TAS1R1: variants seen among roughly 807,000 people sequenced by gnomAD.
TAS1R1 encodes taste 1 receptor member 1, also known as taste receptor type 1 member 1.
TAS1R1 carries 31 observed loss-of-function variants against 45.8 expected under a neutral mutation model. That is an observed-to-expected ratio of 0.68 (90% CI 0.51 to 0.91). The LOEUF (loss-of-function observed/expected upper bound fraction) is 0.91. Among genes scored for constraint, TAS1R1 ranks in the 40% least tolerant of loss-of-function variants. The pLI is 0.00. For missense variants in TAS1R1, 1,051 were observed against 1,063.9 expected (o/e 0.99, Z 0.17); for synonymous variants, 437 against 448.4 (o/e 0.97, Z 0.32).
At chr1:6,558,159 CCTT>C (rs1242365225) in intron 1 of TAS1R1, among the ~76,000 whole-genome samples, 1 of 151,488 alleles carries the variant, frequency 6.6e-6, no homozygotes, top group African/African-American at 2.4e-5. Context: ...GCCCTAGCCT[CCTT>C]ACTAGCTGGA....
Position 6,579,613 on chromosome 1 carries a change from C to T in TAS1R1, c.*29C>T. On this transcript the variant is annotated 3_prime_UTR_variant, in exon 6 of 6. Coordinates refer to ENST00000333172, the MANE Select transcript of TAS1R1 (RefSeq NM_138697.4). ...GTGGGTCAGCAGGCACGGCTGGCAG[C>T]CTTCTCTGCCCTGAGGGTCGAAGGT... 6.3e-7 allele frequency: 1 copy of T among 1,576,620 alleles called. No individual in the cohort carries two copies. The highest frequency in any genetic ancestry group is 8.6e-7 in the Non-Finnish European group (1 of 1,165,612).
rs756702565 is a variant in TAS1R1, at chr1:6,576,953, C to A, written c.1477C>A (p.Pro493Thr). Residue 493 changes from proline (P) to threonine (T), a missense_variant, in exon 5 of 6, where the codon CCT becomes ACT. Physicochemically the swap from Pro to Thr is conservative, Grantham distance 38 (BLOSUM62 -1). Coordinates refer to ENST00000333172, the MANE Select transcript of TAS1R1 (RefSeq NM_138697.4). ...IQWHGKDNQVPKSVCSSDCLE... is the reference protein window; with the variant it reads ...IQWHGKDNQVTKSVCSSDCLE... ...TGGCCCCTCTGGCTTCTTACAGGTG[C>A]CTAAGTCTGTGTGTTCCAGCGACTG... 3 of 1,614,236 alleles carry A rather than the reference C, an allele frequency of 1.9e-6. No homozygotes were observed. Among genetic ancestry groups the A allele is most frequent in the Non-Finnish European group, 2.5e-6 (3 of 1,180,038 alleles).
intron 1 of TAS1R1, among the ~76,000 whole-genome samples, chr1:6,567,051 A>G (rs1289195097): frequency 3.3e-5 from 5 of 152,234 alleles, no homozygotes; most frequent in African/African-American, 1.2e-4. Context: ...AGGTTGGGGG[A>G]GGCAAGAAAA....
At chr1:6,559,396 G>A (rs1000841922) in intron 1 of TAS1R1, among the ~76,000 whole-genome samples, 2 of 151,924 alleles carry the variant, frequency 1.3e-5, no homozygotes, top group Non-Finnish European at 2.9e-5. Flanking sequence ...AGTGACTCAC[G>A]CCTGTAATCC....
At chr1:6,563,345 G>A (rs947730045) in intron 1 of TAS1R1, among the ~76,000 whole-genome samples, 5 of 152,216 alleles carry the variant, frequency 3.3e-5, no homozygotes, top group Admixed American at 2.0e-4. Flanking sequence ...AAGTCAGACC[G>A]GTGCCGGCGG....
At chr1:6,571,384 C>T (rs1387652382) in intron 2 of TAS1R1, among the ~76,000 whole-genome samples, 169 bp downstream of exon 2, 4 of 152,182 alleles carry the variant, frequency 2.6e-5, no homozygotes, top group Non-Finnish European at 5.9e-5. Context: ...GGTTCCTGCC[C>T]CAGCCTTCCT....
rs371364984 is a variant in TAS1R1 at position 6,576,924 on chromosome 1, C to G, written c.1474-26C>G. 8.7e-6 allele frequency: 14 copies of G among 1,614,082 alleles called. No homozygotes were observed. In the African/African-American group the frequency reaches 1.5e-4, roughly 17 times the overall value. ...AGCTGTCCTTTGACTTGGGCCCCTA[C>G]GTGTGGCCCCTCTGGCTTCTTACAG... On this transcript the variant is annotated intron_variant, in intron 4 of 5. Coordinates refer to ENST00000333172, the MANE Select transcript of TAS1R1 (RefSeq NM_138697.4).
intron 1 of TAS1R1, among the ~76,000 whole-genome samples, chr1:6,569,985 T>G (rs1639967718): frequency 7.2e-6 from 1 of 138,686 alleles, no homozygotes; most frequent in Non-Finnish European, 1.5e-5. Flanking sequence ...GGAAAGGCTC[T>G]AGCACACAGC....
At chr1:6,568,360 C>T (rs1476257375) in intron 1 of TAS1R1, among the ~76,000 whole-genome samples, 1 of 150,898 alleles carries the variant, frequency 6.6e-6, no homozygotes, top group African/African-American at 2.4e-5. Flanking sequence ...GAGGCTGAGA[C>T]AGGAGAATGG....
chr1:6,561,083 C>A (rs2148667552), intron 1 of TAS1R1, among the ~76,000 whole-genome samples: 1 of 152,006 alleles, frequency 6.6e-6, no homozygotes, highest in South Asian at 2.1e-4. Context: ...TGTACTGTCC[C>A]ATGGGTGAAG....
intron 3 of TAS1R1, 102 bp downstream of exon 3, chr1:6,575,494 A>G: frequency 7.7e-7 from 1 of 1,298,512 alleles, no homozygotes; most frequent in East Asian, 2.6e-5. Flanking sequence ...AGGGGGATAA[A>G]TGCCACTAAC....
Position 6,575,005 on chromosome 1 carries a change from C to T in TAS1R1, c.873C>T (p.Asn291=), listed in dbSNP as rs1640123657. Residue 291 remains asparagine (N), a synonymous_variant, in exon 3 of 6, where the codon AAC becomes AAT. Coordinates refer to ENST00000333172, the MANE Select transcript of TAS1R1 (RefSeq NM_138697.4). The part of the protein sequence containing the change: ...RVFFESVVLT[N]LTGKVWVASE... ...TTTTCGAGTCCGTGGTGCTGACCAACCTGACTGGCAAGGTGTGGGTCGCCT... is the reference window on the plus strand; with the variant it reads ...TTTTCGAGTCCGTGGTGCTGACCAATCTGACTGGCAAGGTGTGGGTCGCCT... The T allele has an allele frequency of 6.3e-7, 1 of 1,591,856 alleles. No homozygotes were observed. The highest frequency in any genetic ancestry group is 8.6e-7 in the Non-Finnish European group (1 of 1,167,278).
chr1:6,569,146 C>T (rs1333137956), intron 1 of TAS1R1, among the ~76,000 whole-genome samples: 3 of 69,882 alleles, frequency 4.3e-5, no homozygotes, highest in South Asian at 4.0e-4. Flanking sequence ...GGAACGGGGA[C>T]GTAAGGTGGG....
rs1033201293 is a variant in TAS1R1 at position 6,574,808 on chromosome 1, C to A, written c.676C>A (p.Gln226Lys). 6.2e-7 allele frequency: 1 copy of A among 1,614,148 alleles called. No homozygotes were observed. Among genetic ancestry groups the A allele is most frequent in the Non-Finnish European group, 8.5e-7 (1 of 1,180,056 alleles). The change falls in exon 3 of 6, where the codon CAG becomes AAG. Residue 226 changes from glutamine (Q) to lysine (K), a missense_variant. Physicochemically the swap from Gln to Lys is moderately conservative, Grantham distance 53 (BLOSUM62 1). Coordinates refer to ENST00000333172, the MANE Select transcript of TAS1R1 (RefSeq NM_138697.4). This position sits in a 1 kb window ranked among gnomAD's most constrained non-coding sequence, Gnocchi z 4.3. ...TGACGACTATGGGCAGCTAGGGGTG[C>A]AGGCACTGGAGAACCAGGCCACTGG... is the stretch of plus-strand genomic sequence containing the variant. ...SSDDYGQLGV[Q>K]ALENQATGQG...
chr1:6,565,423 T>C (rs991256452), intron 1 of TAS1R1, among the ~76,000 whole-genome samples: 6 of 152,058 alleles, frequency 3.9e-5, no homozygotes, highest in African/African-American at 1.4e-4. Flanking sequence ...CTGAGGCAAG[T>C]TGGCCATCCT....
chr1:6,555,983 T>G (rs1308782141), intron 1 of TAS1R1, among the ~76,000 whole-genome samples: 1 of 148,768 alleles, frequency 6.7e-6, no homozygotes, highest in Non-Finnish European at 1.5e-5. Context: ...GCCATTCTCC[T>G]GCCTCAGCCT....
chr1:6,572,744 G>A (rs1570124995), intron 2 of TAS1R1, among the ~76,000 whole-genome samples: 1 of 152,036 alleles, frequency 6.6e-6, no homozygotes, highest in Non-Finnish European at 1.5e-5. Context: ...CAGTTCCCAG[G>A]CAGGCTGTGG....
intron 5 of TAS1R1, 71 bp downstream of exon 5, chr1:6,577,141 T>A: frequency 6.3e-7 from 1 of 1,593,600 alleles, no homozygotes; most frequent in Non-Finnish European, 8.6e-7. Context: ...AGGGCCTCCC[T>A]TGGGCCCCAT....
chr1:6,556,160 C>G (rs975210760), intron 1 of TAS1R1, among the ~76,000 whole-genome samples: 2 of 151,930 alleles, frequency 1.3e-5, no homozygotes, highest in Non-Finnish European at 2.9e-5. Flanking sequence ...CGTGAGCCAC[C>G]GCGCCCAGCC....
Sources: gnomAD v4.1 joint callset for allele counts (sites outside exome capture counted in the v4.1 genomes callset) on GRCh38, gnomAD v4.1.1 for gene constraint, Gnocchi (gnomAD v3.1) non-coding constraint, MANE v1.5 for transcripts, NCBI Gene and HGNC (gene_info 2026-07-23, HGNC 2026-07-21) for gene names.